KIRREL3: variants seen among roughly 807,000 people sequenced by gnomAD.
KIRREL3 encodes kin of IRRE-like protein 3.
Under a neutral mutation model 89.7 loss-of-function variants are expected in KIRREL3, and 36 were observed. The ratio of observed to expected loss-of-function variants is 0.40; its 90% CI spans 0.31 to 0.53. The LOEUF (loss-of-function observed/expected upper bound fraction) is 0.53, where lower values mean the gene tolerates loss of function less well. KIRREL3 is among the 20% of genes least tolerant of loss of function. The pLI is 0.49. For synonymous variants in KIRREL3, 445 were observed against 441.4 expected (o/e 1.01, Z -0.10); for missense variants, 864 against 1,056.6 (o/e 0.82, Z 2.53).
At position 126,786,489 on chromosome 11, in the gene KIRREL3, CATA is replaced by C. The variant is rs576847408; in HGVS notation, c.55+213963_55+213965del. Among the ~76,000 whole-genome samples the C allele has an allele frequency of 2.5e-4, 38 of 152,180 alleles. 1 individual carries two copies. In the South Asian group the frequency reaches 7.9e-3, roughly 32 times the overall value. Reference sequence around the variant, plus strand: ...GCATTTCATTTTATTTGTAGAAACACATAATAATGGTCATCAATAATAAAATAA... The same window carrying C: ...GCATTTCATTTTATTTGTAGAAACACATAATGGTCATCAATAATAAAATAA... On this transcript the variant is annotated intron_variant, in intron 1 of 16. Coordinates refer to ENST00000525144, the MANE Select transcript of KIRREL3 (RefSeq NM_032531.4).
At chr11:126,671,790 A>G (rs879271692) in intron 1 of KIRREL3, among the ~76,000 whole-genome samples, 5 of 152,210 alleles carry the variant, frequency 3.3e-5, no homozygotes, top group Non-Finnish European at 7.3e-5. Context: ...TGGCAAGGAT[A>G]TGGAGCAACA....
At chr11:126,542,449 G>A (rs1333427375) in intron 2 of KIRREL3, among the ~76,000 whole-genome samples, 3 of 152,142 alleles carry the variant, frequency 2.0e-5, no homozygotes, top group Non-Finnish European at 4.4e-5. Flanking sequence ...ATTCATTTTC[G>A]ACTTTGGAAT....
At position 126,683,632 on chromosome 11, in the gene KIRREL3, A is replaced by G. The variant is rs1254554259; in HGVS notation, c.56-120720T>C. On this transcript the variant is annotated intron_variant, in intron 1 of 16. Coordinates refer to ENST00000525144, the MANE Select transcript of KIRREL3 (RefSeq NM_032531.4). This position sits in a 1 kb window ranked among gnomAD's most constrained non-coding sequence, Gnocchi z 5.2. ...GTTCAACCAATGCTCATGATTGGCCAGGGCATTGACGGCAGAATCGTAAGG... is the reference window on the plus strand; with the variant it reads ...GTTCAACCAATGCTCATGATTGGCCGGGGCATTGACGGCAGAATCGTAAGG... Among the ~76,000 whole-genome samples the G allele has an allele frequency of 6.6e-6, 1 of 152,242 alleles. No homozygotes were observed. Among genetic ancestry groups the G allele is most frequent in the African/African-American group, 2.4e-5 (1 of 41,470 alleles).
intron 1 of KIRREL3, among the ~76,000 whole-genome samples, chr11:126,957,584 AGCAGTCTAGTGAGTTGGACTATG>A (rs1343023455): frequency 1.3e-5 from 2 of 152,212 alleles, no homozygotes; most frequent in African/African-American, 4.8e-5. Flanking sequence ...TCAAAGAAGG[AGCAGTCTAGTGAGTTGGACTATG>A]GCAGTCTAGT....
rs1318371812 is a variant in KIRREL3 at position 126,495,776 on chromosome 11, G to A, written c.434-22310C>T. On this transcript the variant is annotated intron_variant, in intron 4 of 16. Coordinates refer to ENST00000525144, the MANE Select transcript of KIRREL3 (RefSeq NM_032531.4). The surrounding 1 kb of genome is among the most constrained non-coding windows in gnomAD (Gnocchi z 6.5). ...CTCACCGCTCTCCTTGTAAAAGGCAGTGCTGTGCAGCAGCCTGAGGATCAG... is the reference window on the plus strand; with the variant it reads ...CTCACCGCTCTCCTTGTAAAAGGCAATGCTGTGCAGCAGCCTGAGGATCAG... 6.6e-6 allele frequency among the ~76,000 whole-genome samples: 1 copy of A among 152,188 alleles called. No homozygotes were observed. Among genetic ancestry groups the A allele is most frequent in the South Asian group, 2.1e-4 (1 of 4,834 alleles).
At chr11:126,848,600 G>A (rs2134552962) in intron 1 of KIRREL3, among the ~76,000 whole-genome samples, 1 of 152,242 alleles carries the variant, frequency 6.6e-6, no homozygotes, top group South Asian at 2.1e-4. Flanking sequence ...ATATCAGCTT[G>A]GTTCCCAACA....
chr11:126,445,006 C>T lies in KIRREL3; in HGVS notation c.1225G>A (p.Glu409Lys). 2 of 1,613,826 alleles carry T rather than the reference C, an allele frequency of 1.2e-6. No homozygotes were observed. The highest frequency in any genetic ancestry group is 4.5e-5 in the East Asian group (2 of 44,880). Residue 409 changes from glutamate to lysine, a missense_variant, in exon 10 of 17, where the codon GAG becomes AAG. Physicochemically the swap from Glu to Lys is moderately conservative, Grantham distance 56 (BLOSUM62 1). Transcript: ENST00000525144. ...RAVVPRVGAG[E>K]REVTLTVNGP... ...TTGACGGTCAGGGTCACCTCTCTCT[C>T]CCCGGCTCCCACACGGGGCACCACA...
chr11:126,937,727 A>G (rs12365891), intron 1 of KIRREL3, among the ~76,000 whole-genome samples: 40,141 of 151,752 alleles, frequency 0.26, 5,564 homozygotes, highest in Middle Eastern at 0.31. Flanking sequence ...GTGAAACCCC[A>G]TCTCTACTAA....
intron 11 of KIRREL3, among the ~76,000 whole-genome samples, chr11:126,439,093 A>G (rs534082273): frequency 1.3e-5 from 2 of 152,310 alleles, no homozygotes; most frequent in South Asian, 2.1e-4. Context: ...TTTGAGTACA[A>G]GACTCTGCCC....
chr11:126,508,778 C>G lies in KIRREL3; in HGVS notation c.433+12537G>C, dbSNP rs1958107609. Among the ~76,000 whole-genome samples the G allele has an allele frequency of 6.6e-6, 1 of 152,146 alleles. No homozygotes were observed. The highest frequency in any genetic ancestry group is 2.1e-4 in the South Asian group (1 of 4,822). ...TAATGAGCCTCTATGTCTCAGCTTC[C>G]TCGTCCGTAAAAGGGGACACGGGAC... On this transcript the variant is annotated intron_variant, in intron 4 of 16. Transcript: ENST00000525144. The surrounding 1 kb of genome is among the most constrained non-coding windows in gnomAD (Gnocchi z 4.9).
Position 126,710,165 on chromosome 11 carries a change from G to A in KIRREL3, c.56-147253C>T, listed in dbSNP as rs1163998456. Among the ~76,000 whole-genome samples, 2 of 152,170 alleles carry A rather than the reference G, an allele frequency of 1.3e-5. No homozygotes were observed. Among genetic ancestry groups the A allele is most frequent in the African/African-American group, 4.8e-5 (2 of 41,450 alleles). On this transcript the variant is annotated intron_variant, in intron 1 of 16. Coordinates refer to ENST00000525144, the MANE Select transcript of KIRREL3 (RefSeq NM_032531.4). The surrounding 1 kb of genome is among the most constrained non-coding windows in gnomAD (Gnocchi z 4.2). The stretch of plus-strand genomic sequence containing the variant: ...CTACTATTCTGTCCTGTGTCCATCA[G>A]TAGATGGGCTGGCATCAGTGGACCC...
At position 126,985,906 on chromosome 11, in the gene KIRREL3, G is replaced by A. The variant is rs1006583755; in HGVS notation, c.55+14549C>T. Reference sequence around the variant, plus strand: ...CCCTACTGGATGGGAGAGAGTTAAAGCTGTTGTTTCTGGACACTATATAGC... The same window carrying A: ...CCCTACTGGATGGGAGAGAGTTAAAACTGTTGTTTCTGGACACTATATAGC... On this transcript the variant is annotated intron_variant, in intron 1 of 16. Coordinates refer to ENST00000525144, the MANE Select transcript of KIRREL3 (RefSeq NM_032531.4). The surrounding 1 kb of genome is among the most constrained non-coding windows in gnomAD (Gnocchi z 5.3). 6.6e-6 allele frequency among the ~76,000 whole-genome samples: 1 copy of A among 152,186 alleles called. No homozygotes were observed. The highest frequency in any genetic ancestry group is 1.5e-5 in the Non-Finnish European group (1 of 68,042).
Position 126,772,884 on chromosome 11 carries a change from T to C in KIRREL3, c.56-209972A>G, listed in dbSNP as rs1219756183. Among the ~76,000 whole-genome samples the C allele has an allele frequency of 6.6e-6, 1 of 152,194 alleles. No homozygotes were observed. Among genetic ancestry groups the C allele is most frequent in the Non-Finnish European group, 1.5e-5 (1 of 68,034 alleles). Reference sequence around the variant, plus strand: ...CTTCATAATTTGGCCAGAAACCTGCTTGGCCAACAATCTCCCCAGTGATTC... The same window carrying C: ...CTTCATAATTTGGCCAGAAACCTGCCTGGCCAACAATCTCCCCAGTGATTC... On this transcript the variant is annotated intron_variant, in intron 1 of 16. Coordinates refer to ENST00000525144, the MANE Select transcript of KIRREL3 (RefSeq NM_032531.4). The surrounding 1 kb of genome is among the most constrained non-coding windows in gnomAD (Gnocchi z 4.6).
rs968171880 is a variant in KIRREL3, at chr11:126,643,898, T to C, written c.56-80986A>G. Among the ~76,000 whole-genome samples, 1 of 152,164 alleles carries C rather than the reference T, an allele frequency of 6.6e-6. No individual in the cohort carries two copies. Among genetic ancestry groups the C allele is most frequent in the Non-Finnish European group, 1.5e-5 (1 of 68,026 alleles). On this transcript the variant is annotated intron_variant, in intron 1 of 16. Transcript: ENST00000525144. The surrounding 1 kb of genome is among the most constrained non-coding windows in gnomAD (Gnocchi z 4.5). ...GGAGAAAGAATTGAAAAGATCATGA[T>C]GTCAACTCTAGCTCGAGAACACAGA...
chr11:126,787,007 TC>T (rs1387164842), intron 1 of KIRREL3, among the ~76,000 whole-genome samples: 2 of 152,194 alleles, frequency 1.3e-5, no homozygotes, highest in Non-Finnish European at 2.9e-5. Context: ...CACTCCCTTA[TC>T]TGCAGTTAGA....
chr11:126,828,567 G>A (rs777522072), intron 1 of KIRREL3, among the ~76,000 whole-genome samples: 5 of 152,252 alleles, frequency 3.3e-5, no homozygotes, highest in African/African-American at 9.6e-5. Context: ...AGGTGTCAAC[G>A]CAGCAGACAT....
chr11:126,601,184 G>T lies in KIRREL3; in HGVS notation c.56-38272C>A, dbSNP rs750899019. ...TGAACCAGCCTCTATCTAAGGGAGAGAATTTATGTCTCTTCATGCTCTTGT... is the reference window on the plus strand; with the variant it reads ...TGAACCAGCCTCTATCTAAGGGAGATAATTTATGTCTCTTCATGCTCTTGT... On this transcript the variant is annotated intron_variant, in intron 1 of 16. Transcript: ENST00000525144. The surrounding 1 kb of genome is among the most constrained non-coding windows in gnomAD (Gnocchi z 5.8). Among the ~76,000 whole-genome samples, 1 of 152,168 alleles carries T rather than the reference G, an allele frequency of 6.6e-6. No individual in the cohort carries two copies. The highest frequency in any genetic ancestry group is 2.4e-5 in the African/African-American group (1 of 41,418).
At chr11:126,735,666 G>A (rs576889676) in intron 1 of KIRREL3, among the ~76,000 whole-genome samples, 2 of 152,306 alleles carry the variant, frequency 1.3e-5, no homozygotes, top group East Asian at 3.9e-4. Flanking sequence ...CTGTAACTCT[G>A]GTTTAGGGAC....
At chr11:126,679,557 T>C (rs191354721) in intron 1 of KIRREL3, among the ~76,000 whole-genome samples, 19 of 152,306 alleles carry the variant, frequency 1.2e-4, no homozygotes, top group Admixed American at 1.2e-3. Flanking sequence ...AAGATTTGAA[T>C]CCAAGTCTTT....
Sources: allele counts gnomAD v4.1 joint callset (sites outside exome capture counted in the v4.1 genomes callset), GRCh38; gene constraint gnomAD v4.1.1; non-coding constraint Gnocchi (gnomAD v3.1); transcripts MANE v1.5; gene names NCBI Gene and HGNC (gene_info 2026-07-23, HGNC 2026-07-21).